The following LMBRD1 variants were observed in gnomAD, a reference collection of about 807,000 sequenced individuals.
LMBRD1 encodes the protein LMBR1 domain containing 1.
LMBRD1 carries 64 observed loss-of-function variants against 74.8 expected under a neutral mutation model. The observed-to-expected ratio is 0.86, with a 90% CI of 0.70 to 1.05. The LOEUF is 1.05. LMBRD1 is among the 50% of genes least tolerant of loss of function. The probability of loss-of-function intolerance (pLI) is 0.00; values close to 1 mark genes in which losing one functional copy is unlikely to be tolerated. For missense variants in LMBRD1, 652 were observed against 645.9 expected (o/e 1.01, Z -0.10); for synonymous variants, 204 against 216.3 (o/e 0.94, Z 0.50).
intron 3 of LMBRD1, among the ~76,000 whole-genome samples, chr6:69,752,813 T>C (rs1562112946): frequency 6.6e-6 from 1 of 152,188 alleles, no homozygotes; most frequent in African/African-American, 2.4e-5. Flanking sequence ...CTTTGTGATA[T>C]AAATAATTTT....
intron 3 of LMBRD1, among the ~76,000 whole-genome samples, chr6:69,760,973 T>C (rs546626574): frequency 6.6e-6 from 1 of 152,292 alleles, no homozygotes; most frequent in South Asian, 2.1e-4. Context: ...GACATCTTCC[T>C]TGTAGCCCAA....
chr6:69,706,053 A>T (rs1218754536), intron 9 of LMBRD1: 1 of 721,836 alleles, frequency 1.4e-6, no homozygotes, highest in African/African-American at 1.7e-5. Flanking sequence ...GCTCATTTTC[A>T]TCATTATCCA....
At chr6:69,711,491 T>C (rs1766383187) in intron 9 of LMBRD1, among the ~76,000 whole-genome samples, 1 of 152,106 alleles carries the variant, frequency 6.6e-6, no homozygotes, top group Non-Finnish European at 1.5e-5. Flanking sequence ...CAGCTGATGT[T>C]AGAGACCAGA....
intron 2 of LMBRD1, among the ~76,000 whole-genome samples, chr6:69,789,306 C>T (rs748619674): frequency 6.1e-4 from 93 of 152,184 alleles, no homozygotes; most frequent in Middle Eastern, 6.8e-3. Flanking sequence ...GTGGATCACT[C>T]GAGGCCAGAA....
chr6:69,737,653 G>A lies in LMBRD1; in HGVS notation c.636+289C>T, dbSNP rs9364055. 0.48 allele frequency among the ~76,000 whole-genome samples: 71,374 copies of A among 149,456 alleles called. 17,635 individuals are homozygous for A. The highest frequency in any genetic ancestry group is 0.6 in the African/African-American group (24,527 of 40,960). The stretch of plus-strand genomic sequence containing the variant: ...GCATATAGATTTATAAGCATATCAG[G>A]TATTATAAATCTATTATATAGATTT... On this transcript the variant is annotated intron_variant, in intron 7 of 15. Coordinates refer to ENST00000649934, the MANE Select transcript of LMBRD1 (RefSeq NM_018368.4).
At chr6:69,699,459 A>C (rs147226622) in intron 12 of LMBRD1, among the ~76,000 whole-genome samples, 342 of 151,908 alleles carry the variant, frequency 2.3e-3, no homozygotes, top group African/African-American at 5.2e-3. Flanking sequence ...GTTCTATCTA[A>C]AGATTAGAAG....
chr6:69,740,269 C>G (rs1444209222), intron 6 of LMBRD1, among the ~76,000 whole-genome samples: 1 of 151,906 alleles, frequency 6.6e-6, no homozygotes, highest in Non-Finnish European at 1.5e-5. Flanking sequence ...AACATGTATT[C>G]TAGAATATGG....
chr6:69,685,083 A>T (rs1450117364), intron 14 of LMBRD1, among the ~76,000 whole-genome samples: 2 of 152,124 alleles, frequency 1.3e-5, no homozygotes, highest in East Asian at 3.9e-4. Flanking sequence ...AGAATAAGGT[A>T]ACGTTATAAA....
chr6:69,723,300 T>C (rs1766657766), intron 7 of LMBRD1, among the ~76,000 whole-genome samples: 1 of 152,166 alleles, frequency 6.6e-6, no homozygotes, highest in East Asian at 1.9e-4. Context: ...AGACTTAACC[T>C]GCACTACAAA....
intron 6 of LMBRD1, among the ~76,000 whole-genome samples, chr6:69,738,312 A>G (rs1767019188): frequency 6.6e-6 from 1 of 152,124 alleles, no homozygotes; most frequent in Non-Finnish European, 1.5e-5. Flanking sequence ...TCAGCAAAAT[A>G]TCAGATGCTC....
Position 69,676,123 on chromosome 6 carries a change from A to G in LMBRD1, c.*35T>C. The G allele has an allele frequency of 4.0e-6, 6 of 1,491,642 alleles. No homozygotes were observed. Among genetic ancestry groups the G allele is most frequent in the Non-Finnish European group, 5.6e-6 (6 of 1,069,216 alleles). The allele number at this position is 1,491,642 out of a possible 1,614,324, so 92.4% of individuals were successfully genotyped here. On this transcript the variant is annotated 3_prime_UTR_variant, in exon 16 of 16. Transcript: ENST00000649934. ...CTTTAAAAATGCATAACAGATATTCAGTCAGCATTATAAAACCTTTAAGAC... is the reference window on the plus strand; with the variant it reads ...CTTTAAAAATGCATAACAGATATTCGGTCAGCATTATAAAACCTTTAAGAC...
chr6:69,690,060 C>A lies in LMBRD1; in HGVS notation c.1417+7503G>T, dbSNP rs573674709. On this transcript the variant is annotated intron_variant, in intron 14 of 15. Transcript: ENST00000649934. Reference sequence around the variant, plus strand: ...CGAGGGTTTCATTCACTCATTCATTCATTTTTTTTTTTTTTAAACTAGTTC... The same window carrying A: ...CGAGGGTTTCATTCACTCATTCATTAATTTTTTTTTTTTTTAAACTAGTTC... Among the ~76,000 whole-genome samples, 5 of 71,758 alleles carry A rather than the reference C, an allele frequency of 7.0e-5. No homozygotes were observed. In the South Asian group the frequency reaches 2.4e-3, roughly 34 times the overall value. The allele number at this position is 71,758 out of a possible 152,430, so 47.1% of individuals were successfully genotyped here.
intron 3 of LMBRD1, among the ~76,000 whole-genome samples, chr6:69,778,072 G>A (rs917977288): frequency 6.6e-6 from 1 of 152,204 alleles, no homozygotes; most frequent in Non-Finnish European, 1.5e-5. Flanking sequence ...AGATGGAGAT[G>A]ACTAATATTA....
chr6:69,700,477 G>C (rs977627378), intron 12 of LMBRD1, among the ~76,000 whole-genome samples: 6 of 151,738 alleles, frequency 4.0e-5, no homozygotes, highest in South Asian at 4.1e-4. Context: ...ATTTTTAATA[G>C]AATCTCTGGC....
In LMBRD1 at chr6:69,761,312, T is replaced by C. The variant is rs142728437; in HGVS notation, c.308-8956A>G. 2.8e-4 allele frequency among the ~76,000 whole-genome samples: 42 copies of C among 152,146 alleles called. 1 individual carries two copies. In the East Asian group the frequency reaches 8.1e-3, roughly 29 times the overall value. On this transcript the variant is annotated intron_variant, in intron 3 of 15. Transcript: ENST00000649934. ...TTCCAAGGTTTACACTGCAATGCCATTTTTTTAACAAAAAAAAAATTGTTA... is the reference window on the plus strand; with the variant it reads ...TTCCAAGGTTTACACTGCAATGCCACTTTTTTAACAAAAAAAAAATTGTTA...
At chr6:69,779,454 T>C in intron 3 of LMBRD1, among the ~76,000 whole-genome samples, 1 of 152,126 alleles carries the variant, frequency 6.6e-6, no homozygotes, top group African/African-American at 2.4e-5. Context: ...CTGAGAATGA[T>C]GTTTGAGGGA....
At chr6:69,729,782 C>T (rs895194698) in intron 7 of LMBRD1, among the ~76,000 whole-genome samples, 1 of 151,888 alleles carries the variant, frequency 6.6e-6, no homozygotes, top group Non-Finnish European at 1.5e-5. Context: ...AAGAAAGGTG[C>T]CATCGTTTGG....
Position 69,718,959 on chromosome 6 carries a change from T to C in LMBRD1, c.759A>G (p.Ser253=), listed in dbSNP as rs1057523078. Residue 253 remains serine (S), a synonymous_variant, in exon 8 of 16, where the codon TCA becomes TCG. Transcript: ENST00000649934. ...EVEQHIQTIK[S]KSKDGRPLPA... is the part of the protein sequence containing the mutation. ...TTACACCAAAACATCAACTCACTTTTGATTTAATCGTTTGAATGTGTTGTT... is the reference window on the plus strand; with the variant it reads ...TTACACCAAAACATCAACTCACTTTCGATTTAATCGTTTGAATGTGTTGTT... 8 of 1,613,464 alleles carry C rather than the reference T, an allele frequency of 5.0e-6. No homozygotes were observed. The highest frequency in any genetic ancestry group is 5.1e-6 in the Non-Finnish European group (6 of 1,179,626).
In LMBRD1 at chr6:69,699,090, G is replaced by A; in HGVS notation, c.1291C>T (p.Leu431Phe). 2 of 1,608,694 alleles carry A rather than the reference G, an allele frequency of 1.2e-6. No homozygotes were observed. The highest frequency in any genetic ancestry group is 1.7e-6 in the Non-Finnish European group (2 of 1,175,594). The change falls in exon 13 of 16, where the codon CTT becomes TTT. Residue 431 changes from leucine (L) to phenylalanine (F), a missense_variant. By Grantham distance (22) the Leu-to-Phe change is conservative. Coordinates refer to ENST00000649934, the MANE Select transcript of LMBRD1 (RefSeq NM_018368.4). Reference sequence around the variant, plus strand: ...CCATACATAACATATTGGGGAGCAAGACTATAAATCATGTAGCTAGTGTGA... The same window carrying A: ...CCATACATAACATATTGGGGAGCAAAACTATAAATCATGTAGCTAGTGTGA... ...VLHTSYMIYS[L>F]APQYVMYGSQ... is the part of the protein sequence containing the mutation.
Sources: allele counts gnomAD v4.1 joint callset (sites outside exome capture counted in the v4.1 genomes callset), GRCh38; gene constraint gnomAD v4.1.1; transcripts MANE v1.5; gene names NCBI Gene and HGNC (gene_info 2026-07-23, HGNC 2026-07-21).